Variants in COL5A1 observed in about 807,000 individuals in gnomAD.
COL5A1 encodes the protein collagen alpha-1(V) chain.
COL5A1 carries 16 observed loss-of-function variants against 263.7 expected under a neutral mutation model. That is an observed-to-expected ratio of 0.06 (90% CI 0.04 to 0.09). The LOEUF (loss-of-function observed/expected upper bound fraction) is 0.09. Ranked by LOEUF, COL5A1 falls within the 10% of genes least tolerant of loss-of-function variation. The pLI, the probability that COL5A1 is intolerant of heterozygous loss-of-function variation, is 1.00. For missense variants in COL5A1, 2,036 were observed against 2,540.5 expected (o/e 0.80, Z 4.27); for synonymous variants, 1,012 against 1,004.5 (o/e 1.01, Z -0.14).
chr9:134,666,188 G>A (rs780364756), intron 1 of COL5A1, among the ~76,000 whole-genome samples: 2 of 152,240 alleles, frequency 1.3e-5, no homozygotes, highest in Non-Finnish European at 2.9e-5. Context: ...GTAATGCTCC[G>A]AAAATAGGAG....
At chr9:134,825,619 C>A (rs1206647038) in intron 62 of COL5A1, among the ~76,000 whole-genome samples, 173 bp from the exon 63 acceptor site, 1 of 152,174 alleles carries the variant, frequency 6.6e-6, no homozygotes, top group Admixed American at 6.5e-5. Flanking sequence ...TCTTTATGGG[C>A]CCAGCAGGAG....
intron 60 of COL5A1, 47 bp downstream of exon 60, chr9:134,823,080 A>AG: frequency 6.2e-7 from 1 of 1,607,976 alleles, no homozygotes; most frequent in Non-Finnish European, 8.5e-7. Context: ...AAGGTAGGGG[A>AG]GGGCGACGGG....
chr9:134,728,579 G>A (rs1045708881), intron 5 of COL5A1, 91 bp from the exon 6 acceptor site: 56 of 1,579,162 alleles, frequency 3.5e-5, no homozygotes, highest in Non-Finnish European at 4.6e-5. Context: ...GCGTCGTGGC[G>A]TGCAGATCTG....
intron 32 of COL5A1, among the ~76,000 whole-genome samples, chr9:134,792,193 G>C (rs1453800507): frequency 6.6e-6 from 1 of 152,194 alleles, no homozygotes; most frequent in Non-Finnish European, 1.5e-5. Context: ...CAGCTGCTTT[G>C]GGGGAAGCTC....
chr9:134,753,380 T>A (rs1402656367), intron 14 of COL5A1, among the ~76,000 whole-genome samples: 2 of 151,954 alleles, frequency 1.3e-5, no homozygotes, highest in Non-Finnish European at 2.9e-5. Flanking sequence ...ACAGAGGAGT[T>A]CAACACCACA....
intron 9 of COL5A1, 68 bp from the exon 10 acceptor site, chr9:134,738,406 A>G (rs1835179912): frequency 6.3e-7 from 1 of 1,588,606 alleles, no homozygotes; most frequent in Non-Finnish European, 8.6e-7. Context: ...GGCCGTCCAC[A>G]CCACTGGGGT....
At chr9:134,777,615 G>T (rs765663585) in intron 27 of COL5A1, among the ~76,000 whole-genome samples, 2 of 152,030 alleles carry the variant, frequency 1.3e-5, no homozygotes, top group African/African-American at 4.8e-5. Context: ...CCATTCCTCC[G>T]ATGGGGATCC....
intron 27 of COL5A1, among the ~76,000 whole-genome samples, chr9:134,778,446 G>C (rs746774212): frequency 6.6e-6 from 1 of 152,260 alleles, no homozygotes; most frequent in Non-Finnish European, 1.5e-5. Context: ...AGCTGTGTTT[G>C]TCCGGCGCTT....
chr9:134,782,474 C>G, intron 28 of COL5A1, 193 bp from the exon 29 acceptor site: 1 of 684,796 alleles, frequency 1.5e-6, no homozygotes, highest in Non-Finnish European at 2.6e-6. Context: ...CAGAACGTTA[C>G]AGCTGGGAAC....
At chr9:134,740,352 C>G (rs542034792) in intron 11 of COL5A1, among the ~76,000 whole-genome samples, 1 of 152,210 alleles carries the variant, frequency 6.6e-6, no homozygotes, top group Non-Finnish European at 1.5e-5. Flanking sequence ...ACCCCTTCCC[C>G]CAGATTCGCG....
At chr9:134,735,762 T>A (rs1835073962) in intron 9 of COL5A1, among the ~76,000 whole-genome samples, 1 of 152,240 alleles carries the variant, frequency 6.6e-6, no homozygotes, top group Non-Finnish European at 1.5e-5. Flanking sequence ...GAGACGGAAA[T>A]TGGAAAACTG....
chr9:134,720,340 C>T (rs748319317), intron 4 of COL5A1, among the ~76,000 whole-genome samples: 8 of 152,160 alleles, frequency 5.3e-5, no homozygotes, highest in South Asian at 2.1e-4. Flanking sequence ...GTTTCCAGGC[C>T]GCCAGCACCT....
intron 25 of COL5A1, 95 bp from the exon 26 acceptor site, chr9:134,772,695 G>A: frequency 7.8e-7 from 1 of 1,277,256 alleles, no homozygotes; most frequent in Non-Finnish European, 1.1e-6. Context: ...AGGGAAATGG[G>A]CTCCATGATC....
At chr9:134,829,522 G>A (rs1292967062) in intron 63 of COL5A1, among the ~76,000 whole-genome samples, 1 of 146,520 alleles carries the variant, frequency 6.8e-6, no homozygotes, top group Non-Finnish European at 1.5e-5. Flanking sequence ...CCGAGGGCTG[G>A]GGCCAGGCTC....
intron 1 of COL5A1, among the ~76,000 whole-genome samples, chr9:134,656,555 C>T (rs1243897377): frequency 9.9e-5 from 15 of 152,134 alleles, no homozygotes; most frequent in Non-Finnish European, 2.1e-4. Flanking sequence ...GGAAGCAATA[C>T]TGGTGTGGAT....
chr9:134,746,717 C>A (rs1369896221), intron 11 of COL5A1, among the ~76,000 whole-genome samples: 1 of 152,254 alleles, frequency 6.6e-6, no homozygotes, highest in African/African-American at 2.4e-5. Flanking sequence ...TGCTGTTTGA[C>A]CAAGTTAGGG....
intron 1 of COL5A1, among the ~76,000 whole-genome samples, chr9:134,659,258 G>T (rs572490631): frequency 2.0e-5 from 3 of 152,292 alleles, no homozygotes; most frequent in Admixed American, 1.3e-4. Context: ...GCGTGATGGT[G>T]CATGCCTGTA....
chr9:134,796,197 T>A (rs977161416), intron 34 of COL5A1, among the ~76,000 whole-genome samples, 177 bp from the exon 35 acceptor site: 13 of 152,326 alleles, frequency 8.5e-5, no homozygotes, highest in African/African-American at 3.1e-4. Context: ...ACAGGCAGGC[T>A]TTGATAGCCA....
intron 1 of COL5A1, among the ~76,000 whole-genome samples, chr9:134,643,520 T>C (rs746809812): frequency 5.9e-5 from 9 of 152,134 alleles, no homozygotes; most frequent in African/African-American, 9.7e-5. Flanking sequence ...GATCAGTGCT[T>C]GTTGGGCTAA....
Sources: gnomAD v4.1 joint callset for allele counts (sites outside exome capture counted in the v4.1 genomes callset) on GRCh38, gnomAD v4.1.1 for gene constraint, MANE v1.5 for transcripts, NCBI Gene and HGNC (gene_info 2026-07-23, HGNC 2026-07-21) for gene names.